GNAZ: variants seen among roughly 807,000 people sequenced by gnomAD.
GNAZ encodes the protein G protein subunit alpha z.
GNAZ carries 3 observed loss-of-function variants against 25.4 expected under a neutral mutation model. The observed-to-expected ratio is 0.12, with a 90% confidence interval of 0.05 to 0.30. GNAZ has a LOEUF of 0.30. Ranked by LOEUF, GNAZ falls within the 10% of genes least tolerant of loss-of-function variation. The pLI, the probability that GNAZ is intolerant of heterozygous loss-of-function variation, is 1.00. For missense variants in GNAZ, 241 were observed against 501.8 expected (o/e 0.48, Z 4.97); for synonymous variants, 211 against 205.7 (o/e 1.03, Z -0.22).
chr22:23,112,200 C>A (rs2069676228), intron 2 of GNAZ, among the ~76,000 whole-genome samples: 2 of 152,190 alleles, frequency 1.3e-5, no homozygotes, highest in African/African-American at 4.8e-5. Flanking sequence ...AAAGAGGTTC[C>A]CAGCTGCATT....
rs914052694 is a variant in GNAZ, at chr22:23,095,619, G to A, written c.-77G>A. ...AGGGCAGCTGGGCTCTTGTCTGCCT[G>A]GTCTCAGTGTCCCCTGTGGCAAGAG... On this transcript the variant is annotated 5_prime_UTR_variant, in exon 2 of 3. Coordinates refer to ENST00000615612, the MANE Select transcript of GNAZ (RefSeq NM_002073.4). 14 of 1,492,708 alleles carry A rather than the reference G, an allele frequency of 9.4e-6. No individual in the cohort carries two copies. In the South Asian group the frequency reaches 1.9e-4, roughly 20 times the overall value. The allele number at this position is 1,492,708 out of a possible 1,614,324, so 92.5% of individuals were successfully genotyped here.
intron 1 of GNAZ, among the ~76,000 whole-genome samples, chr22:23,080,870 G>A (rs371073796): frequency 6.6e-6 from 1 of 152,180 alleles, no homozygotes; most frequent in South Asian, 2.1e-4. Context: ...TGGATTAATG[G>A]GTGCTCTCCC....
At position 23,095,409 on chromosome 22, in the gene GNAZ, G is replaced by A. The variant is rs187299749; in HGVS notation, c.-287G>A. Reference sequence around the variant, plus strand: ...CACAAGCGGACGGCTTCCCACCGTCGCCGAGGACAGGGAATGACTACGGCA... The same window carrying A: ...CACAAGCGGACGGCTTCCCACCGTCACCGAGGACAGGGAATGACTACGGCA... On this transcript the variant is annotated 5_prime_UTR_variant, in exon 2 of 3. Coordinates refer to ENST00000615612, the MANE Select transcript of GNAZ (RefSeq NM_002073.4). 1.6e-4 allele frequency: 64 copies of A among 405,384 alleles called. 1 individual carries two copies. Among genetic ancestry groups the A allele is most frequent in the Middle Eastern group, 1.3e-3 (2 of 1,564 alleles). The allele number at this position is 405,384 out of a possible 1,614,324, so 25.1% of individuals were successfully genotyped here.
intron 1 of GNAZ, among the ~76,000 whole-genome samples, chr22:23,072,493 TC>T (rs34138806): frequency 6.6e-6 from 1 of 152,138 alleles, no homozygotes; most frequent in African/African-American, 2.4e-5. Flanking sequence ...GGTGTCACTT[TC>T]CCCCCTAAGT....
chr22:23,116,881 C>T (rs1308263566), intron 2 of GNAZ, among the ~76,000 whole-genome samples: 1 of 152,100 alleles, frequency 6.6e-6, no homozygotes, highest in African/African-American at 2.4e-5. Flanking sequence ...GCAAATATGC[C>T]GCACCTGGGA....
chr22:23,116,462 G>A lies in GNAZ; in HGVS notation c.724-6625G>A, dbSNP rs563355295. On this transcript the variant is annotated intron_variant, in intron 2 of 2. Coordinates refer to ENST00000615612, the MANE Select transcript of GNAZ (RefSeq NM_002073.4). ...GAGCAGGCCAGTGTCCCTCCCACCC[G>A]GCCCAGTCCCTGGTCCCTGGGTAGT... Among the ~76,000 whole-genome samples, 3 of 152,304 alleles carry A rather than the reference G, an allele frequency of 2.0e-5. No homozygotes were observed. The South Asian group carries it at 6.2e-4, about 32-fold the overall frequency.
chr22:23,086,932 G>A (rs2068835591), intron 1 of GNAZ, among the ~76,000 whole-genome samples: 1 of 152,248 alleles, frequency 6.6e-6, no homozygotes, highest in South Asian at 2.1e-4. Context: ...CCCATGATGG[G>A]ACACATGGCT....
rs950318653 is a variant in GNAZ, at chr22:23,124,219, T to G, written c.*788T>G. 3 of 164,538 alleles carry G rather than the reference T, an allele frequency of 1.8e-5. No homozygotes were observed. Among genetic ancestry groups the G allele is most frequent in the South Asian group, 2.9e-4 (2 of 7,004 alleles). 10.2% of individuals were successfully genotyped at this position (164,538 alleles called of 1,614,324 possible). A position where few individuals can be genotyped will look rare whatever the true frequency, so the allele number is the denominator to read the frequency against. On this transcript the variant is annotated 3_prime_UTR_variant, in exon 3 of 3. Transcript: ENST00000615612. ...TTTTTTTGTTTTGTTTTTTGGTTTT[T>G]TTTTTTTTTTGGCCAAATCTCGTGG...
chr22:23,074,364 A>T (rs1462179241), intron 1 of GNAZ, among the ~76,000 whole-genome samples: 1 of 152,174 alleles, frequency 6.6e-6, no homozygotes, highest in African/African-American at 2.4e-5. Flanking sequence ...GTTTTTTTAA[A>T]GCTGCAGCTT....
rs1266328498 is a variant in GNAZ at position 23,074,924 on chromosome 22, A to G, written c.-450+4354A>G. Among the ~76,000 whole-genome samples the G allele has an allele frequency of 2.0e-5, 3 of 152,166 alleles. No homozygotes were observed. The East Asian group carries it at 5.8e-4, about 29-fold the overall frequency. Reference sequence around the variant, plus strand: ...TGGCGCACACCTGTAATCCTATACTATGGGAGACTGAGGTAGGAGGATCAC... The same window carrying G: ...TGGCGCACACCTGTAATCCTATACTGTGGGAGACTGAGGTAGGAGGATCAC... On this transcript the variant is annotated intron_variant, in intron 1 of 2. Transcript: ENST00000615612.
rs9612227 is a variant in GNAZ at position 23,074,312 on chromosome 22, G to T, written c.-450+3742G>T. Among the ~76,000 whole-genome samples, 602 of 152,350 alleles carry T rather than the reference G, an allele frequency of 4.0e-3. 4 individuals are homozygous for T. Among genetic ancestry groups the T allele is most frequent in the Non-Finnish European group, 6.0e-3 (408 of 68,022 alleles). On this transcript the variant is annotated intron_variant, in intron 1 of 2. Coordinates refer to ENST00000615612, the MANE Select transcript of GNAZ (RefSeq NM_002073.4). ...AGGCAGAGAGGCTGCTGACCCAGGG[G>T]TGGGAGCTCTGGAGGCCCTGAGAAA...
rs761195937 is a variant in GNAZ at position 23,123,207 on chromosome 22, A to G, written c.844A>G (p.Ile282Val). 3 of 1,613,972 alleles carry G rather than the reference A, an allele frequency of 1.9e-6. No homozygotes were observed. The South Asian group carries it at 3.3e-5, about 18-fold the overall frequency. Reference protein sequence around the residue: ...KDLLAEKIRRIPLTICFPEYK... With the variant: ...KDLLAEKIRRVPLTICFPEYK... ...CCTGCTGGCAGAGAAGATCCGCCGCATCCCGCTCACCATCTGCTTTCCCGA... is the reference window on the plus strand; with the variant it reads ...CCTGCTGGCAGAGAAGATCCGCCGCGTCCCGCTCACCATCTGCTTTCCCGA... The change falls in exon 3 of 3, where the codon ATC becomes GTC. Residue 282 changes from isoleucine (I) to valine (V), a missense_variant. Ile to Val is a conservative substitution (Grantham distance 29). Coordinates refer to ENST00000615612, the MANE Select transcript of GNAZ (RefSeq NM_002073.4).
At chr22:23,119,385 G>A (rs1342151731) in intron 2 of GNAZ, among the ~76,000 whole-genome samples, 9 of 152,192 alleles carry the variant, frequency 5.9e-5, no homozygotes, top group Non-Finnish European at 1.0e-4. Context: ...AACTTCAGCT[G>A]GTCAGGGTCC....
intron 2 of GNAZ, among the ~76,000 whole-genome samples, chr22:23,115,690 C>A (rs1032027457): frequency 1.3e-5 from 2 of 152,226 alleles, no homozygotes; most frequent in South Asian, 4.1e-4. Flanking sequence ...CTGCTGGCCA[C>A]CCCTGCAAAT....
At chr22:23,109,256 G>C (rs1218408446) in intron 2 of GNAZ, among the ~76,000 whole-genome samples, 17 of 152,202 alleles carry the variant, frequency 1.1e-4, no homozygotes, top group African/African-American at 4.1e-4. Flanking sequence ...GAGCCTGGCA[G>C]CAGAGCCGAG....
intron 2 of GNAZ, among the ~76,000 whole-genome samples, chr22:23,115,761 T>C (rs540996023): frequency 6.6e-6 from 1 of 152,354 alleles, no homozygotes; most frequent in Admixed American, 6.5e-5. Context: ...TGACTGGGTC[T>C]TTTTCAGTTT....
intron 1 of GNAZ, among the ~76,000 whole-genome samples, chr22:23,077,619 CAAGGTGACT>C (rs919323455): frequency 7.2e-5 from 11 of 152,014 alleles, no homozygotes; most frequent in African/African-American, 2.7e-4. Flanking sequence ...GAGGAGGGGG[CAAGGTGACT>C]AAGGAGGGCT....
intron 2 of GNAZ, among the ~76,000 whole-genome samples, chr22:23,114,928 G>T (rs1371127860): frequency 6.6e-6 from 1 of 152,192 alleles, no homozygotes; most frequent in Non-Finnish European, 1.5e-5. Flanking sequence ...GGGCAGTGGG[G>T]ACTGCCATGA....
At chr22:23,084,542 G>C (rs1569165600) in intron 1 of GNAZ, among the ~76,000 whole-genome samples, 1 of 152,182 alleles carries the variant, frequency 6.6e-6, no homozygotes, top group East Asian at 1.9e-4. Context: ...AAACCATCAG[G>C]CCTTCTTGCA....
Sources: allele counts gnomAD v4.1 joint callset (sites outside exome capture counted in the v4.1 genomes callset), GRCh38; gene constraint gnomAD v4.1.1; transcripts MANE v1.5; gene names NCBI Gene and HGNC (gene_info 2026-07-23, HGNC 2026-07-21).